CDH13: variants seen among roughly 807,000 people sequenced by gnomAD.
CDH13 encodes cadherin-13.
In CDH13, 24 loss-of-function variants were observed where a neutral mutation model predicts 63.8. The ratio of observed to expected loss-of-function variants is 0.38; its 90% CI spans 0.27 to 0.53. CDH13 has a LOEUF of 0.53. Among genes scored for constraint, CDH13 ranks in the 20% least tolerant of loss-of-function variants. The pLI is 0.85. For missense variants in CDH13, 1,049 were observed against 903.1 expected (o/e 1.16, Z -2.07); for synonymous variants, 503 against 355.3 (o/e 1.42, Z -4.67).
intron 1 of CDH13, among the ~76,000 whole-genome samples, chr16:82,672,153 T>G (rs1042913884): frequency 1.3e-5 from 2 of 152,238 alleles, no homozygotes; most frequent in Admixed American, 1.3e-4. Context: ...ACTGTGAGTT[T>G]GAGCAAGGTA....
intron 1 of CDH13, among the ~76,000 whole-genome samples, chr16:82,736,942 GTTTCTTCCTCCCCTCTGAATATTCCT>G (rs2033704616): frequency 6.6e-6 from 1 of 152,240 alleles, no homozygotes; most frequent in South Asian, 2.1e-4. Flanking sequence ...GCATAATCGT[GTTTCTTCCTCCCCTCTGAATATTCCT>G]TTTCTGCCTC....
chr16:82,667,641 C>T (rs1177761813), intron 1 of CDH13, among the ~76,000 whole-genome samples: 1 of 152,242 alleles, frequency 6.6e-6, no homozygotes, highest in African/African-American at 2.4e-5. Flanking sequence ...TTGGACAGAG[C>T]CCAGGCAGAG....
At chr16:83,077,365 G>A (rs1272091491) in intron 3 of CDH13, among the ~76,000 whole-genome samples, 2 of 150,962 alleles carry the variant, frequency 1.3e-5, no homozygotes, top group Non-Finnish European at 3.0e-5. Flanking sequence ...CTAATTTATT[G>A]TATTTTTACT....
rs967567305 is a variant in CDH13 at position 82,982,254 on chromosome 16, ACTTAT to A, written c.158-49750_158-49746del. On this transcript the variant is annotated intron_variant, in intron 2 of 13. Coordinates refer to ENST00000567109, the MANE Select transcript of CDH13 (RefSeq NM_001257.5). The stretch of plus-strand genomic sequence containing the variant: ...AATTTCTTCTTATTTTATAAATAAT[ACTTAT>A]CTTATAAATAATAAGATGTTATTTA... Among the ~76,000 whole-genome samples, 8 of 152,192 alleles carry A rather than the reference ACTTAT, an allele frequency of 5.3e-5. No individual in the cohort carries two copies. In the East Asian group the frequency reaches 5.8e-4, roughly 11 times the overall value.
At chr16:82,938,045 A>G (rs1032457407) in intron 2 of CDH13, among the ~76,000 whole-genome samples, 1 of 152,230 alleles carries the variant, frequency 6.6e-6, no homozygotes, top group African/African-American at 2.4e-5. Context: ...AAGAAGAAGA[A>G]AAAGAAAAAG....
At chr16:82,839,840 A>G (rs943466371) in intron 1 of CDH13, among the ~76,000 whole-genome samples, 2 of 152,202 alleles carry the variant, frequency 1.3e-5, no homozygotes, top group Admixed American at 6.5e-5. Flanking sequence ...TCCAAATTGT[A>G]GTACAGGAGA....
intron 3 of CDH13, among the ~76,000 whole-genome samples, chr16:83,063,225 G>A (rs948999566): frequency 2.5e-4 from 38 of 152,140 alleles, no homozygotes; most frequent in Admixed American, 2.2e-3. Context: ...GCCTCCCAAA[G>A]TGCTGGAATT....
At chr16:83,204,886 A>G (rs185551253) in intron 4 of CDH13, among the ~76,000 whole-genome samples, 4 of 152,350 alleles carry the variant, frequency 2.6e-5, no homozygotes, top group Admixed American at 2.0e-4. Context: ...GAATGTATCT[A>G]GGCACACTAG....
chr16:82,810,758 A>G lies in CDH13; in HGVS notation c.46-47604A>G, dbSNP rs546787090. On this transcript the variant is annotated intron_variant, in intron 1 of 13. Transcript: ENST00000567109. ...TTGCGTGTGAAGAGCATAAGAGGGGAGAGAGAGGAAATGAGAGAAGCTGGA... is the reference window on the plus strand; with the variant it reads ...TTGCGTGTGAAGAGCATAAGAGGGGGGAGAGAGGAAATGAGAGAAGCTGGA... Among the ~76,000 whole-genome samples, 13 of 152,052 alleles carry G rather than the reference A, an allele frequency of 8.5e-5. No individual in the cohort carries two copies. In the South Asian group the frequency reaches 2.7e-3, roughly 32 times the overall value.
chr16:82,669,242 T>C (rs927023574), intron 1 of CDH13, among the ~76,000 whole-genome samples: 1 of 152,216 alleles, frequency 6.6e-6, no homozygotes, highest in African/African-American at 2.4e-5. Flanking sequence ...TGGGTCAGCA[T>C]GTTAGATACG....
chr16:83,539,340 C>T (rs900028239), intron 7 of CDH13, among the ~76,000 whole-genome samples: 7 of 152,156 alleles, frequency 4.6e-5, no homozygotes, highest in African/African-American at 1.7e-4. Flanking sequence ...GCTGATCTGA[C>T]AGGAGGCGGA....
intron 1 of CDH13, among the ~76,000 whole-genome samples, chr16:82,671,965 C>T (rs1227580828): frequency 2.0e-5 from 3 of 152,154 alleles, no homozygotes; most frequent in African/African-American, 4.8e-5. Flanking sequence ...TTCTGCCCTC[C>T]CCCTCTTGCC....
rs768229187 is a variant in CDH13, at chr16:82,666,363, G to A, written c.45+39226G>A. Among the ~76,000 whole-genome samples the A allele has an allele frequency of 5.5e-4, 84 of 152,184 alleles. 1 individual carries two copies. The highest frequency in any genetic ancestry group is 6.3e-3 in the Middle Eastern group (2 of 316). On this transcript the variant is annotated intron_variant, in intron 1 of 13. Transcript: ENST00000567109. ...CAGTTGATCCTACTTTCAAAGGCAA[G>A]GTACCTGAATCATGGACAATGAGGC...
intron 2 of CDH13, among the ~76,000 whole-genome samples, chr16:82,868,721 G>C (rs1370968208): frequency 2.0e-5 from 3 of 152,172 alleles, no homozygotes; most frequent in African/African-American, 7.2e-5. Context: ...GTCCTGTTTG[G>C]CTGCTTAGTG....
chr16:83,045,295 T>A (rs1042805297), intron 3 of CDH13, among the ~76,000 whole-genome samples: 2 of 152,148 alleles, frequency 1.3e-5, no homozygotes, highest in African/African-American at 2.4e-5. Flanking sequence ...TAGAATCTCA[T>A]GGAAATAGCA....
At chr16:83,312,944 C>A (rs753964941) in intron 5 of CDH13, among the ~76,000 whole-genome samples, 1 of 152,182 alleles carries the variant, frequency 6.6e-6, no homozygotes, top group Non-Finnish European at 1.5e-5. Context: ...CATTCCAAAG[C>A]CCGCTGTAAA....
At position 82,639,186 on chromosome 16, in the gene CDH13, A is replaced by G. The variant is rs143076368; in HGVS notation, c.45+12049A>G. Among the ~76,000 whole-genome samples, 7 of 151,664 alleles carry G rather than the reference A, an allele frequency of 4.6e-5. No homozygotes were observed. The East Asian group carries it at 1.4e-3, about 29-fold the overall frequency. ...CTTTCCTTTGTCTATTTTGTTCTCT[A>G]CCTCCCTTAAAGTCAAGATAGCTGC... On this transcript the variant is annotated intron_variant, in intron 1 of 13. Transcript: ENST00000567109.
At chr16:82,847,256 A>G (rs1456644286) in intron 1 of CDH13, among the ~76,000 whole-genome samples, 1 of 152,234 alleles carries the variant, frequency 6.6e-6, no homozygotes, top group Non-Finnish European at 1.5e-5. Flanking sequence ...TAGCAATTTA[A>G]AACGAACATA....
rs191237592 is a variant in CDH13, at chr16:82,872,340, C to T, written c.157+13867C>T. ...CTGCCATATGGCCTCACTCTTCAAC[C>T]TGTTGAGTGTCTTCACTCACTTGGT... On this transcript the variant is annotated intron_variant, in intron 2 of 13. Coordinates refer to ENST00000567109, the MANE Select transcript of CDH13 (RefSeq NM_001257.5). 4.0e-3 allele frequency among the ~76,000 whole-genome samples: 603 copies of T among 152,338 alleles called. 5 individuals carry two copies. The highest frequency in any genetic ancestry group is 0.014 in the African/African-American group (577 of 41,576).
Sources: gnomAD v4.1 joint callset for allele counts (sites outside exome capture counted in the v4.1 genomes callset) on GRCh38, gnomAD v4.1.1 for gene constraint, MANE v1.5 for transcripts, NCBI Gene and HGNC (gene_info 2026-07-23, HGNC 2026-07-21) for gene names.